Variants in DUSP22 observed in about 807,000 individuals in gnomAD.
DUSP22 encodes the protein dual specificity phosphatase 22.
In DUSP22, 24 loss-of-function variants were observed where a neutral mutation model predicts 24.5. The observed-to-expected ratio is 0.98, with a 90% CI of 0.71 to 1.38. The LOEUF (loss-of-function observed/expected upper bound fraction) is 1.38. Ranked by LOEUF, DUSP22 falls within the 40% of genes most tolerant of loss-of-function variation. The pLI is 0.00. For synonymous variants in DUSP22, 160 were observed against 106.4 expected, an observed-to-expected ratio of 1.50 and a Z score of -3.10; for missense variants, 330 against 269.2, an observed-to-expected ratio of 1.23 and a Z score of -1.58.
intron 1 of DUSP22, among the ~76,000 whole-genome samples, chr6:297,627 C>T (rs1014255818): frequency 6.6e-6 from 1 of 152,310 alleles, no homozygotes; most frequent in African/African-American, 2.4e-5. Context: ...CCAAAAATGT[C>T]CCTGATGTTG....
At chr6:305,284 G>A (rs1396969315) in intron 2 of DUSP22, among the ~76,000 whole-genome samples, 1 of 152,308 alleles carries the variant, frequency 6.6e-6, no homozygotes, top group East Asian at 1.9e-4. Flanking sequence ...CTGATGGAGT[G>A]ATGTGAGGCT....
chr6:349,986 G>A lies in DUSP22; in HGVS notation c.*1035G>A, dbSNP rs1561686783. 5 of 985,730 alleles carry A rather than the reference G, an allele frequency of 5.1e-6. No individual in the cohort carries two copies. The highest frequency in any genetic ancestry group is 4.8e-6 in the Non-Finnish European group (4 of 830,044). 61.1% of individuals were successfully genotyped at this position (985,730 alleles called of 1,614,324 possible). A position where few individuals can be genotyped will look rare whatever the true frequency, so the allele number is the denominator to read the frequency against. ...ATTTGCATGCACCTGCAAGAATTGG[G>A]AAGAAAGAGCATTTATTAGGCACTG... is the stretch of plus-strand genomic sequence containing the variant. On this transcript the variant is annotated 3_prime_UTR_variant, in exon 7 of 7. Coordinates refer to ENST00000419235, the MANE Select transcript of DUSP22 (RefSeq NM_001286555.3).
chr6:321,889 G>A (rs1385319376), intron 3 of DUSP22, among the ~76,000 whole-genome samples: 1 of 152,308 alleles, frequency 6.6e-6, no homozygotes, highest in Non-Finnish European at 1.5e-5. Flanking sequence ...TGCCATCCAG[G>A]GATGTGAGTG....
intron 3 of DUSP22, among the ~76,000 whole-genome samples, chr6:314,372 C>T (rs1758248845): frequency 6.6e-6 from 1 of 152,286 alleles, no homozygotes; most frequent in Non-Finnish European, 1.5e-5. Flanking sequence ...GGTTTTGGTC[C>T]TGCTACATCC....
intron 3 of DUSP22, among the ~76,000 whole-genome samples, chr6:331,363 C>G: frequency 6.6e-6 from 1 of 152,308 alleles, no homozygotes; most frequent in African/African-American, 2.4e-5. Context: ...AAACACTGTA[C>G]TAATGGAAAC....
chr6:322,054 G>C (rs562619262), intron 3 of DUSP22, among the ~76,000 whole-genome samples: 4 of 152,298 alleles, frequency 2.6e-5, no homozygotes, highest in African/African-American at 9.6e-5. Flanking sequence ...GTATCACAGT[G>C]TATCTACATA....
intron 4 of DUSP22, among the ~76,000 whole-genome samples, chr6:341,946 C>T (rs938632628): frequency 7.2e-5 from 11 of 152,246 alleles, no homozygotes; most frequent in Non-Finnish European, 1.6e-4. Context: ...GACTCTTGAA[C>T]CCAGGTTCAA....
In DUSP22 at chr6:350,611, T is replaced by C; in HGVS notation, c.*1660T>C. 6.9e-7 allele frequency: 1 copy of C among 1,444,948 alleles called. No individual in the cohort carries two copies. The highest frequency in any genetic ancestry group is 9.1e-7 in the Non-Finnish European group (1 of 1,101,798). The allele number at this position is 1,444,948 out of a possible 1,614,324, so 89.5% of individuals were successfully genotyped here. A position where few individuals can be genotyped will look rare whatever the true frequency, so the allele number is the denominator to read the frequency against. The stretch of plus-strand genomic sequence containing the variant: ...GTACACCCGGAAAGGGGAGTGTGGC[T>C]GTAGAATCATCCATCCGTCTACAGC... On this transcript the variant is annotated 3_prime_UTR_variant, in exon 7 of 7. Transcript: ENST00000419235.
At chr6:313,829 C>A (rs1262805532) in intron 3 of DUSP22, among the ~76,000 whole-genome samples, 2 of 152,296 alleles carry the variant, frequency 1.3e-5, no homozygotes, top group African/African-American at 4.8e-5. Flanking sequence ...AAAACAATAG[C>A]CTCTGATTGC....
chr6:307,711 T>C (rs1339098944), intron 2 of DUSP22, among the ~76,000 whole-genome samples: 1 of 152,306 alleles, frequency 6.6e-6, no homozygotes, highest in Non-Finnish European at 1.5e-5. Flanking sequence ...CCTCATTGTT[T>C]GAAGATGTCC....
intron 3 of DUSP22, among the ~76,000 whole-genome samples, chr6:313,767 A>G (rs1460723509): frequency 2.0e-5 from 3 of 152,308 alleles, no homozygotes; most frequent in South Asian, 2.1e-4. Context: ...TTAGCATTTT[A>G]TCAATCTTTA....
In DUSP22 at chr6:350,469, A is replaced by G; in HGVS notation, c.*1518A>G. ...TCTCTGAATTCCACCACAAAAAGAGACCCTGAATAAGAAGAGCAGTTTTCC... is the reference window on the plus strand; with the variant it reads ...TCTCTGAATTCCACCACAAAAAGAGGCCCTGAATAAGAAGAGCAGTTTTCC... On this transcript the variant is annotated 3_prime_UTR_variant, in exon 7 of 7. Coordinates refer to ENST00000419235, the MANE Select transcript of DUSP22 (RefSeq NM_001286555.3). 1.7e-6 allele frequency: 2 copies of G among 1,163,520 alleles called. No individual in the cohort carries two copies. The highest frequency in any genetic ancestry group is 2.1e-6 in the Non-Finnish European group (2 of 939,778). The allele number at this position is 1,163,520 out of a possible 1,614,324, so 72.1% of individuals were successfully genotyped here. A position where few individuals can be genotyped will look rare whatever the true frequency, so the allele number is the denominator to read the frequency against.
chr6:292,973 T>C (rs1757164483), intron 1 of DUSP22, among the ~76,000 whole-genome samples: 1 of 152,292 alleles, frequency 6.6e-6, no homozygotes, highest in Admixed American at 6.5e-5. Flanking sequence ...ACGGGTGTCC[T>C]CTGTAATTTC....
At chr6:307,696 G>A (rs1482172057) in intron 2 of DUSP22, among the ~76,000 whole-genome samples, 15 of 152,300 alleles carry the variant, frequency 9.8e-5, no homozygotes, top group Admixed American at 2.6e-4. Flanking sequence ...GCTGACAGAC[G>A]AAGCCCTCAT....
intron 3 of DUSP22, among the ~76,000 whole-genome samples, chr6:324,154 ATG>A (rs1273862616): frequency 2.0e-5 from 3 of 152,306 alleles, no homozygotes; most frequent in African/African-American, 4.8e-5. Context: ...TTGCAGCCGC[ATG>A]GCTACCCCAG....
At chr6:332,641 C>CTCCT (rs1235353053) in intron 3 of DUSP22, among the ~76,000 whole-genome samples, 32 of 99,716 alleles carry the variant, frequency 3.2e-4, no homozygotes, top group African/African-American at 1.2e-3. Context: ...TCTTCCTGTC[C>CTCCT]TTCTTTTTTT....
intron 4 of DUSP22, among the ~76,000 whole-genome samples, chr6:341,785 G>GCTAC (rs1759620171): frequency 6.6e-6 from 1 of 152,302 alleles, no homozygotes; most frequent in African/African-American, 2.4e-5. Flanking sequence ...GACGGAAAGA[G>GCTAC]CTACCGGGGG....
intron 3 of DUSP22, among the ~76,000 whole-genome samples, chr6:312,596 G>T (rs907096166): frequency 6.6e-6 from 1 of 152,304 alleles, no homozygotes; most frequent in African/African-American, 2.4e-5. Flanking sequence ...GACAGAGCCC[G>T]AGTTACCTCC....
intron 1 of DUSP22, among the ~76,000 whole-genome samples, chr6:299,828 T>C (rs1202592885): frequency 6.6e-6 from 1 of 152,304 alleles, no homozygotes; most frequent in Non-Finnish European, 1.5e-5. Context: ...GTTTCGCATG[T>C]GGAAGTCCAC....
Sources: allele counts gnomAD v4.1 joint callset (sites outside exome capture counted in the v4.1 genomes callset), GRCh38; gene constraint gnomAD v4.1.1; transcripts MANE v1.5; gene names NCBI Gene and HGNC (gene_info 2026-07-23, HGNC 2026-07-21).